Variants in RASEF observed in about 807,000 individuals in gnomAD.
RASEF encodes the protein RAS and EF-hand domain containing.
In RASEF, 68 loss-of-function variants were observed where a neutral mutation model predicts 90.1. The ratio of observed to expected loss-of-function variants is 0.75; its 90% CI spans 0.62 to 0.92. RASEF has a LOEUF of 0.92. RASEF is among the 40% of genes least tolerant of loss of function. The probability of loss-of-function intolerance (pLI) is 0.00; values close to 1 mark genes in which losing one functional copy is unlikely to be tolerated. For synonymous variants in RASEF, 331 were observed against 345.2 expected (o/e 0.96, Z 0.46); for missense variants, 949 against 937.2 (o/e 1.01, Z -0.16).
chr9:83,196,156 A>G, the RASEF span, among the ~76,000 whole-genome samples: 1 of 152,170 alleles, frequency 6.6e-6, no homozygotes, highest in East Asian at 1.9e-4. Context: ...CAATTGGATC[A>G]AGTGGAATTG....
chr9:83,106,557 A>G, the RASEF span, among the ~76,000 whole-genome samples: 1 of 152,148 alleles, frequency 6.6e-6, no homozygotes, highest in African/African-American at 2.4e-5. Context: ...AACCAAGTGG[A>G]TGACCCATGT....
At chr9:83,144,395 A>AGAAAGAAAG in the RASEF span, among the ~76,000 whole-genome samples, 11 of 120,160 alleles carry the variant, frequency 9.2e-5, no homozygotes, top group South Asian at 2.8e-4. Flanking sequence ...AAGAAAGGAA[A>AGAAAGAAAG]GAAAGAAAGA....
At chr9:83,199,777 C>T in the RASEF span, among the ~76,000 whole-genome samples, 4 of 152,192 alleles carry the variant, frequency 2.6e-5, no homozygotes, top group Admixed American at 2.0e-4. Context: ...GACACAAATG[C>T]GTATCTGATA....
intron 1 of RASEF, among the ~76,000 whole-genome samples, chr9:83,042,094 C>T (rs2118643802): frequency 6.6e-6 from 1 of 152,262 alleles, no homozygotes; most frequent in Middle Eastern, 3.4e-3. Flanking sequence ...CTTTAACATT[C>T]CCTTGGTTTC....
the RASEF span, among the ~76,000 whole-genome samples, chr9:83,104,113 T>C: frequency 1.8e-4 from 28 of 152,286 alleles, no homozygotes; most frequent in African/African-American, 6.7e-4. Flanking sequence ...AATCTTGGTG[T>C]GAAAATTTCT....
the RASEF span, among the ~76,000 whole-genome samples, chr9:83,194,105 C>T: frequency 1.3e-5 from 2 of 152,158 alleles, no homozygotes; most frequent in Admixed American, 6.5e-5. Flanking sequence ...ATATTTGTCA[C>T]GACTAAGAAA....
At chr9:83,067,951 C>T (rs1830295504), upstream of RASEF, among the ~76,000 whole-genome samples, 1 of 152,158 alleles carries the variant, frequency 6.6e-6, no homozygotes, top group Non-Finnish European at 1.5e-5. Flanking sequence ...TCATGGCTCA[C>T]TGCAGCCTCA....
the RASEF span, among the ~76,000 whole-genome samples, chr9:83,144,412 GAAA>G: frequency 4.1e-5 from 5 of 122,760 alleles, no homozygotes; most frequent in African/African-American, 1.6e-4. Flanking sequence ...AAGAAAGAAA[GAAA>G]GAAAAGAAAA....
chr9:83,197,471 T>C, the RASEF span, among the ~76,000 whole-genome samples: 2 of 152,224 alleles, frequency 1.3e-5, no homozygotes, highest in South Asian at 2.1e-4. Context: ...CAAAATCACC[T>C]CTTCCTTGAT....
At chr9:83,025,240 A>T (rs73469434) in intron 2 of RASEF, among the ~76,000 whole-genome samples, 4,504 of 152,258 alleles carry the variant, frequency 0.03, 206 homozygotes, top group African/African-American at 0.1. Context: ...GAGGAGGGCT[A>T]GAGAGTAGAG....
chr9:83,039,215 C>T (rs1433450115), intron 1 of RASEF, among the ~76,000 whole-genome samples: 1 of 152,128 alleles, frequency 6.6e-6, no homozygotes, highest in African/African-American at 2.4e-5. Flanking sequence ...GCCCTGAATA[C>T]TCCAGTCACA....
intron 1 of RASEF, among the ~76,000 whole-genome samples, chr9:83,057,271 T>C (rs1830118780): frequency 6.6e-6 from 1 of 152,186 alleles, no homozygotes; most frequent in Non-Finnish European, 1.5e-5. Context: ...GACAATATAA[T>C]CTTATATCTA....
intron 1 of RASEF, among the ~76,000 whole-genome samples, chr9:83,059,269 T>TACACACACACACAC (rs59546421): frequency 2.7e-4 from 35 of 129,124 alleles, no homozygotes; most frequent in African/African-American, 1.0e-3. Context: ...AAATGCTCAA[T>TACACACACACACAC]ACACACACAC....
chr9:83,043,435 T>A (rs989741406), intron 1 of RASEF, among the ~76,000 whole-genome samples: 3 of 152,020 alleles, frequency 2.0e-5, no homozygotes, highest in African/African-American at 7.2e-5. Flanking sequence ...TGTAGTAAAA[T>A]GTTCTGTTTC....
chr9:83,048,070 G>A (rs1196493076), intron 1 of RASEF: 3 of 969,408 alleles, frequency 3.1e-6, no homozygotes, highest in Non-Finnish European at 1.2e-6. Flanking sequence ...ATATAAAGCA[G>A]AGGCTCTTAC....
At chr9:83,118,916 A>G in the RASEF span, among the ~76,000 whole-genome samples, 5 of 152,352 alleles carry the variant, frequency 3.3e-5, no homozygotes, top group African/African-American at 1.2e-4. Flanking sequence ...CAAAATCAGA[A>G]AAGCTGAAAT....
the RASEF span, among the ~76,000 whole-genome samples, chr9:83,197,522 ATT>A: frequency 2.6e-5 from 4 of 151,124 alleles, no homozygotes; most frequent in Middle Eastern, 3.4e-3. Flanking sequence ...AAAGATGATG[ATT>A]TTTTAAAAAA....
At chr9:83,154,578 T>C in the RASEF span, among the ~76,000 whole-genome samples, 1 of 152,218 alleles carries the variant, frequency 6.6e-6, no homozygotes, top group Admixed American at 6.5e-5. Context: ...GTGCACCTGA[T>C]GGCCTTTGAA....
At chr9:83,095,787 A>G in the RASEF span, among the ~76,000 whole-genome samples, 1 of 152,092 alleles carries the variant, frequency 6.6e-6, no homozygotes, top group East Asian at 1.9e-4. Flanking sequence ...AGTCTACACT[A>G]TAGACTCACA....
Sources: allele counts gnomAD v4.1 joint callset (sites outside exome capture counted in the v4.1 genomes callset), GRCh38; gene constraint gnomAD v4.1.1; transcripts MANE v1.5; gene names NCBI Gene and HGNC (gene_info 2026-07-23, HGNC 2026-07-21).